Variants in KIFC3 observed in about 807,000 individuals in gnomAD.
KIFC3 encodes kinesin-like protein KIFC3.
KIFC3 carries 60 observed loss-of-function variants against 101.8 expected under a neutral mutation model. That is an observed-to-expected ratio of 0.59 (90% CI 0.48 to 0.73). The LOEUF is 0.73. KIFC3 is among the 30% of genes least tolerant of loss of function. The pLI is 0.00. For synonymous variants in KIFC3, 476 were observed against 482.7 expected (o/e 0.99, Z 0.18); for missense variants, 966 against 1,137.1 (o/e 0.85, Z 2.16).
At position 57,760,799 on chromosome 16, in the gene KIFC3, A is replaced by G; in HGVS notation, c.2159T>C (p.Phe720Ser). Residue 720 changes from phenylalanine to serine, a missense_variant, in exon 16 of 20, where the codon TTC becomes TCC. Coordinates refer to ENST00000445690, the MANE Select transcript of KIFC3 (RefSeq NM_001130100.2). ...ALRSRQGHVPFRNSKLTYLLQ... is the reference protein window; with the variant it reads ...ALRSRQGHVPSRNSKLTYLLQ... ...CAGGTAGGTGAGCTTGGAGTTGCGG[A>G]AGGGCACGTGGCCCTGGCGGGAGCG... 6.2e-7 allele frequency: 1 copy of G among 1,613,778 alleles called. No individual in the cohort carries two copies. The highest frequency in any genetic ancestry group is 8.5e-7 in the Non-Finnish European group (1 of 1,180,000).
At chr16:57,848,543 C>T (rs759031028) in intron 1 of KIFC3, among the ~76,000 whole-genome samples, 4 of 152,138 alleles carry the variant, frequency 2.6e-5, no homozygotes, top group Non-Finnish European at 4.4e-5. Flanking sequence ...CCAGAGGATC[C>T]CTTGAGCCCA....
intron 3 of KIFC3, among the ~76,000 whole-genome samples, chr16:57,786,591 AGT>A (rs1303524134): frequency 1.3e-5 from 2 of 152,118 alleles, no homozygotes; most frequent in African/African-American, 4.8e-5. Context: ...GATGTGACAG[AGT>A]GTGGCAGAGT....
At chr16:57,816,212 A>C (rs2055220200) in intron 1 of KIFC3, 1 of 1,286,866 alleles carries the variant, frequency 7.8e-7, no homozygotes, top group African/African-American at 1.5e-5. Flanking sequence ...CAACATCCCC[A>C]TTCACAGGTG....
At chr16:57,831,933 G>A (rs782421251) in intron 1 of KIFC3, among the ~76,000 whole-genome samples, 21 of 152,316 alleles carry the variant, frequency 1.4e-4, no homozygotes, top group Admixed American at 5.9e-4. Context: ...GGGGGTTGAG[G>A]GGAAAGGGAT....
intron 3 of KIFC3, among the ~76,000 whole-genome samples, chr16:57,790,604 A>G (rs2053791434): frequency 1.3e-5 from 2 of 152,138 alleles, no homozygotes; most frequent in African/African-American, 4.8e-5. Flanking sequence ...CAAGTTGCTT[A>G]CCTTCTTGAA....
At position 57,768,959 on chromosome 16, in the gene KIFC3, G is replaced by C. The variant is rs142384367; in HGVS notation, c.1218+636C>G. Among the ~76,000 whole-genome samples the C allele has an allele frequency of 3.8e-3, 577 of 152,254 alleles. 2 individuals carry two copies. The highest frequency in any genetic ancestry group is 6.0e-3 in the Admixed American group (91 of 15,292). The stretch of plus-strand genomic sequence containing the variant: ...AGGCAGGAGGACTGCTTGAAGCCAG[G>C]AGTTCAAGACCAGCCTCGGCAACAT... On this transcript the variant is annotated intron_variant, in intron 9 of 19. Coordinates refer to ENST00000445690, the MANE Select transcript of KIFC3 (RefSeq NM_001130100.2).
intron 3 of KIFC3, among the ~76,000 whole-genome samples, chr16:57,788,312 G>C (rs1245932866): frequency 6.6e-6 from 1 of 152,238 alleles, no homozygotes; most frequent in Non-Finnish European, 1.5e-5. Context: ...CCCAGCCCAC[G>C]CTGGCCAAGG....
rs867310712 is a variant in KIFC3 at position 57,852,234 on chromosome 16, T to G, written c.108+10495A>C. 2.6e-5 allele frequency among the ~76,000 whole-genome samples: 4 copies of G among 152,266 alleles called. No individual in the cohort carries two copies. In the Middle Eastern group the frequency reaches 0.014, roughly 518 times the overall value. On this transcript the variant is annotated intron_variant, in intron 1 of 2. Transcript: ENST00000563028. ...CGGACCTGTATGTGGGGGTGGAGCT[T>G]GTGACTGGAGGACTTTGCTGCAGGG...
intron 3 of KIFC3, among the ~76,000 whole-genome samples, chr16:57,784,349 T>C (rs2053094990): frequency 6.6e-6 from 1 of 151,988 alleles, no homozygotes; most frequent in South Asian, 2.1e-4. Flanking sequence ...ACACAAAGCA[T>C]GAGGGGTGCC....
At chr16:57,816,758 A>G (rs975719777) in intron 1 of KIFC3, 2 of 456,606 alleles carry the variant, frequency 4.4e-6, no homozygotes, top group East Asian at 1.4e-4. Flanking sequence ...CCACTGCCAC[A>G]GGGACAGCCA....
At chr16:57,814,913 T>C (rs1487837233) in intron 1 of KIFC3, among the ~76,000 whole-genome samples, 1 of 139,040 alleles carries the variant, frequency 7.2e-6, no homozygotes, top group Admixed American at 6.9e-5. Flanking sequence ...TGAGCCACCA[T>C]GCCTGGCCTA....
At chr16:57,818,904 G>A (rs1298162033) in intron 1 of KIFC3, among the ~76,000 whole-genome samples, 1 of 152,188 alleles carries the variant, frequency 6.6e-6, no homozygotes, top group Non-Finnish European at 1.5e-5. Context: ...TCCCCTGTCT[G>A]TTCTCTGCCA....
chr16:57,845,347 G>A (rs768008799), intron 1 of KIFC3, among the ~76,000 whole-genome samples: 14 of 152,044 alleles, frequency 9.2e-5, no homozygotes, highest in Admixed American at 2.0e-4. Context: ...CAATCACCTC[G>A]CAACTCAGCG....
intron 1 of KIFC3, among the ~76,000 whole-genome samples, chr16:57,812,371 G>A (rs759321814): frequency 4.3e-4 from 65 of 151,148 alleles, no homozygotes; most frequent in Non-Finnish European, 7.7e-4. Flanking sequence ...AAAAAAAGAG[G>A]TCAGGCCAGA....
At chr16:57,774,935 TC>T in intron 3 of KIFC3, 1 of 1,483,100 alleles carries the variant, frequency 6.7e-7, no homozygotes, top group South Asian at 1.3e-5. Flanking sequence ...GCCCCCTCCC[TC>T]CCCAGAAAGG....
upstream of KIFC3, among the ~76,000 whole-genome samples, chr16:57,805,402 C>T (rs2054912320): frequency 6.6e-6 from 1 of 152,162 alleles, no homozygotes; most frequent in South Asian, 2.1e-4. Context: ...TCTCCTGGCC[C>T]CGGGAAAGGT....
intron 1 of KIFC3, among the ~76,000 whole-genome samples, chr16:57,839,316 G>T (rs1486169857): frequency 6.6e-6 from 1 of 152,138 alleles, no homozygotes; most frequent in East Asian, 1.9e-4. Flanking sequence ...AAGGCGGGAG[G>T]ATCCCTTGAG....
intron 1 of KIFC3, among the ~76,000 whole-genome samples, chr16:57,801,498 CA>C (rs1292090122): frequency 6.6e-6 from 1 of 152,132 alleles, no homozygotes; most frequent in Non-Finnish European, 1.5e-5. Context: ...GCATTCCTAG[CA>C]AATGACTCTC....
At chr16:57,784,074 G>A (rs782298680) in intron 3 of KIFC3, among the ~76,000 whole-genome samples, 2 of 152,226 alleles carry the variant, frequency 1.3e-5, no homozygotes, top group African/African-American at 4.8e-5. Flanking sequence ...CCATCCCAGT[G>A]AGCCCTTCCC....
Sources: gnomAD v4.1 joint callset for allele counts (sites outside exome capture counted in the v4.1 genomes callset) on GRCh38, gnomAD v4.1.1 for gene constraint, MANE v1.5 for transcripts, NCBI Gene and HGNC (gene_info 2026-07-23, HGNC 2026-07-21) for gene names.